STPG2: variants seen among roughly 807,000 people sequenced by gnomAD.
STPG2 encodes the protein sperm tail PG-rich repeat containing 2, also known as sperm-tail PG-rich repeat-containing protein 2.
A neutral mutation model predicts 54.2 loss-of-function variants in STPG2; 56 were observed. That is an observed-to-expected ratio of 1.03 (90% CI 0.83 to 1.29). The LOEUF is 1.29. STPG2 is among the 50% of genes most tolerant of loss of function. The pLI, the probability that STPG2 is intolerant of heterozygous loss-of-function variation, is 0.00. For synonymous variants in STPG2, 200 were observed against 181.8 expected (o/e 1.10, Z -0.81); for missense variants, 596 against 544.9 (o/e 1.09, Z -0.93).
intron 8 of STPG2, among the ~76,000 whole-genome samples, chr4:97,865,511 AT>A (rs1157090428): frequency 6.6e-6 from 1 of 152,188 alleles, no homozygotes; most frequent in African/African-American, 2.4e-5. Context: ...TAGTTGAACC[AT>A]TGTGGAAGAC....
chr4:98,027,010 G>C (rs1430727409), intron 5 of STPG2, among the ~76,000 whole-genome samples: 1 of 152,176 alleles, frequency 6.6e-6, no homozygotes, highest in African/African-American at 2.4e-5. Context: ...ACATTCACCA[G>C]GTTGTGCCCT....
chr4:97,544,642 T>A (rs1560653116), intron 4 of STPG2, among the ~76,000 whole-genome samples: 1 of 152,002 alleles, frequency 6.6e-6, no homozygotes, highest in Non-Finnish European at 1.5e-5. Flanking sequence ...AGCAGGAAAT[T>A]AACATGGCTT....
chr4:97,772,298 T>C (rs548392868), intron 9 of STPG2, among the ~76,000 whole-genome samples: 1 of 152,364 alleles, frequency 6.6e-6, no homozygotes, highest in East Asian at 1.9e-4. Context: ...TAACATATGT[T>C]GAAATCGTAT....
At chr4:97,563,699 C>T (rs555246651) in intron 10 of STPG2, among the ~76,000 whole-genome samples, 9 of 152,124 alleles carry the variant, frequency 5.9e-5, no homozygotes, top group Non-Finnish European at 1.0e-4. Flanking sequence ...GTTATGTACC[C>T]AGTAGTCATT....
At chr4:97,629,777 G>A (rs534571218) in intron 10 of STPG2, among the ~76,000 whole-genome samples, 1 of 152,086 alleles carries the variant, frequency 6.6e-6, no homozygotes, top group East Asian at 1.9e-4. Flanking sequence ...TAGGGTAATA[G>A]AAGGAATGAA....
chr4:97,494,110 G>C (rs1730559290), intron 4 of STPG2, among the ~76,000 whole-genome samples: 1 of 151,536 alleles, frequency 6.6e-6, no homozygotes, highest in Admixed American at 6.6e-5. Context: ...ATCTCAAAGA[G>C]ATTTGGGGGT....
intron 4 of STPG2, among the ~76,000 whole-genome samples, chr4:97,498,447 T>C (rs1730656102): frequency 6.6e-6 from 1 of 151,998 alleles, no homozygotes; most frequent in African/African-American, 2.4e-5. Context: ...CTTGATTATA[T>C]GTAATACTGT....
chr4:97,443,205 T>C (rs1729134007), intron 4 of STPG2, among the ~76,000 whole-genome samples: 1 of 152,148 alleles, frequency 6.6e-6, no homozygotes, highest in Non-Finnish European at 1.5e-5. Context: ...AATCTTTTAG[T>C]TTCTAAATAG....
chr4:97,932,711 A>C (rs774330482), intron 8 of STPG2, among the ~76,000 whole-genome samples: 16 of 152,116 alleles, frequency 1.1e-4, no homozygotes, highest in Non-Finnish European at 2.1e-4. Flanking sequence ...CCTTTTTATG[A>C]CTGCATAGTA....
At chr4:97,773,086 G>A (rs112160234) in intron 9 of STPG2, among the ~76,000 whole-genome samples, 5 of 151,956 alleles carry the variant, frequency 3.3e-5, no homozygotes, top group South Asian at 2.1e-4. Flanking sequence ...TTTATATTAC[G>A]TCAACAAACA....
intron 8 of STPG2, among the ~76,000 whole-genome samples, chr4:97,861,603 C>G (rs376027698): frequency 1.3e-5 from 2 of 151,984 alleles, no homozygotes; most frequent in Non-Finnish European, 2.9e-5. Context: ...AAGCAACTTA[C>G]GCGTCCATCA....
chr4:98,061,818 A>G (rs957475292), intron 5 of STPG2, among the ~76,000 whole-genome samples: 6 of 152,142 alleles, frequency 3.9e-5, no homozygotes, highest in Admixed American at 2.0e-4. Context: ...GAGGTTGTGG[A>G]AAAAAGGGAA....
intron 5 of STPG2, among the ~76,000 whole-genome samples, chr4:98,101,282 T>C (rs913425931): frequency 2.6e-5 from 4 of 152,158 alleles, no homozygotes; most frequent in African/African-American, 9.7e-5. Flanking sequence ...GGATCAAGCA[T>C]GAAAGCAAAA....
At chr4:97,645,938 A>T (rs193183908) in intron 10 of STPG2, among the ~76,000 whole-genome samples, 4 of 152,188 alleles carry the variant, frequency 2.6e-5, no homozygotes, top group Non-Finnish European at 5.9e-5. Flanking sequence ...ATTATACATA[A>T]ATTCCAGTCC....
chr4:97,656,610 C>T (rs1281042513), intron 10 of STPG2, among the ~76,000 whole-genome samples: 1 of 151,516 alleles, frequency 6.6e-6, no homozygotes, highest in Non-Finnish European at 1.5e-5. Flanking sequence ...GGCTCAGGAA[C>T]ATTTTAGAGT....
At chr4:98,099,230 T>A (rs1738951353) in intron 5 of STPG2, among the ~76,000 whole-genome samples, 1 of 152,158 alleles carries the variant, frequency 6.6e-6, no homozygotes, top group Admixed American at 6.5e-5. Flanking sequence ...CATCAATAGA[T>A]GAATGGATAA....
intron 5 of STPG2, among the ~76,000 whole-genome samples, chr4:97,988,904 G>A (rs2149267911): frequency 1.3e-5 from 2 of 152,324 alleles, no homozygotes; most frequent in East Asian, 3.9e-4. Flanking sequence ...GTGAGCCACT[G>A]CGCCTGGCCA....
chr4:97,629,682 T>C (rs1448962642), intron 10 of STPG2, among the ~76,000 whole-genome samples: 3 of 151,998 alleles, frequency 2.0e-5, no homozygotes, highest in Non-Finnish European at 4.4e-5. Flanking sequence ...GTTACAACAC[T>C]AACCTTGAAA....
chr4:97,694,628 G>A (rs1174546182), intron 10 of STPG2, among the ~76,000 whole-genome samples: 2 of 151,292 alleles, frequency 1.3e-5, no homozygotes. Flanking sequence ...TTAACACGGT[G>A]AAACCCCGTC....
Sources: gnomAD v4.1 joint callset for allele counts (sites outside exome capture counted in the v4.1 genomes callset) on GRCh38, gnomAD v4.1.1 for gene constraint, MANE v1.5 for transcripts, NCBI Gene and HGNC (gene_info 2026-07-23, HGNC 2026-07-21) for gene names.